RPSA2: variants seen among roughly 807,000 people sequenced by gnomAD.
The protein encoded by RPSA2 is ribosomal protein SA 2.
chr19:23,824,071 C>G, the RPSA2 span, among the ~76,000 whole-genome samples: 6 of 152,112 alleles, frequency 3.9e-5, no homozygotes, highest in Admixed American at 3.3e-4. Context: ...GAGCCCTGGA[C>G]AAGTACAGGG....
the RPSA2 span, among the ~76,000 whole-genome samples, chr19:23,855,212 A>G: frequency 6.6e-6 from 1 of 152,220 alleles, no homozygotes; most frequent in Non-Finnish European, 1.5e-5. Context: ...TTGAGTAATT[A>G]GAATGCCATC....
the RPSA2 span, among the ~76,000 whole-genome samples, chr19:23,865,042 C>G: frequency 6.6e-6 from 1 of 152,086 alleles, no homozygotes; most frequent in Non-Finnish European, 1.5e-5. Context: ...GTTCAGTCCA[C>G]CAGGGTCAGT....
the RPSA2 span, among the ~76,000 whole-genome samples, chr19:23,862,751 A>AAAACCTTTTTT: frequency 8.1e-6 from 1 of 123,490 alleles, no homozygotes; most frequent in Non-Finnish European, 1.7e-5. Context: ...TAAAACTTAA[A>AAAACCTTTTTT]GTATAAGAAT....
At chr19:23,802,781 C>T in the RPSA2 span, among the ~76,000 whole-genome samples, 1 of 152,158 alleles carries the variant, frequency 6.6e-6, no homozygotes, top group Admixed American at 6.5e-5. Context: ...TTAGTCTTGA[C>T]TATCAACTGG....
At chr19:23,845,075 T>A in the RPSA2 span, among the ~76,000 whole-genome samples, 1 of 32,306 alleles carries the variant, frequency 3.1e-5, no homozygotes, top group Non-Finnish European at 6.4e-5. Context: ...TCATTGCTAG[T>A]GATTTTTTGT....
the RPSA2 span, among the ~76,000 whole-genome samples, chr19:23,829,745 C>T: frequency 6.6e-6 from 1 of 152,258 alleles, no homozygotes; most frequent in Middle Eastern, 3.4e-3. Flanking sequence ...TCAAATTTGT[C>T]ATTGATGTTG....
At chr19:23,810,250 C>T in the RPSA2 span, among the ~76,000 whole-genome samples, 2 of 151,808 alleles carry the variant, frequency 1.3e-5, no homozygotes, top group Non-Finnish European at 2.9e-5. Flanking sequence ...AAAAATTAGC[C>T]GGGCGTGGTG....
chr19:23,792,494 A>T, the RPSA2 span, among the ~76,000 whole-genome samples: 1 of 152,104 alleles, frequency 6.6e-6, no homozygotes, highest in Non-Finnish European at 1.5e-5. Context: ...CAGTTTCTAG[A>T]CTTTTAAAAA....
At chr19:23,810,214 A>T in the RPSA2 span, among the ~76,000 whole-genome samples, 3 of 152,102 alleles carry the variant, frequency 2.0e-5, no homozygotes, top group East Asian at 5.8e-4. Flanking sequence ...TAACTCGGTG[A>T]AACCCCGTCT....
the RPSA2 span, among the ~76,000 whole-genome samples, chr19:23,810,058 C>T: frequency 1.1e-4 from 17 of 152,176 alleles, no homozygotes; most frequent in Admixed American, 4.6e-4. Context: ...CTTAAGGCTG[C>T]TGGGTTTGCA....
chr19:23,857,439 A>G, the RPSA2 span, among the ~76,000 whole-genome samples: 1 of 148,134 alleles, frequency 6.8e-6, no homozygotes, highest in African/African-American at 2.5e-5. Context: ...TTCCCGCAAC[A>G]TCTTTGAGCT....
At chr19:23,814,527 T>C in the RPSA2 span, among the ~76,000 whole-genome samples, 1 of 152,194 alleles carries the variant, frequency 6.6e-6, no homozygotes, top group Non-Finnish European at 1.5e-5. Flanking sequence ...GAAATTATAA[T>C]GCACCTTTGT....
chr19:23,865,164 G>C, the RPSA2 span, among the ~76,000 whole-genome samples: 1 of 152,202 alleles, frequency 6.6e-6, no homozygotes, highest in Non-Finnish European at 1.5e-5. Flanking sequence ...AAATATGCTG[G>C]CAGTGGATAT....
the RPSA2 span, among the ~76,000 whole-genome samples, chr19:23,783,049 C>G: frequency 6.6e-6 from 1 of 151,124 alleles, no homozygotes; most frequent in Non-Finnish European, 1.5e-5. Context: ...TGGTGTTACT[C>G]TCCTCTCCTG....
chr19:23,800,382 AT>A, the RPSA2 span, among the ~76,000 whole-genome samples: 17 of 152,150 alleles, frequency 1.1e-4, no homozygotes, highest in Non-Finnish European at 4.4e-5. Flanking sequence ...GCTGAAGAGA[AT>A]TTTTTTAAAA....
chr19:23,832,450 A>T, the RPSA2 span: 3 of 488,632 alleles, frequency 6.1e-6, no homozygotes, highest in Non-Finnish European at 1.2e-5. Context: ...ACATAAGAGG[A>T]TACACACTGG....
the RPSA2 span, among the ~76,000 whole-genome samples, chr19:23,842,935 T>G: frequency 6.6e-6 from 1 of 152,190 alleles, no homozygotes; most frequent in African/African-American, 2.4e-5. Context: ...TTAAATATTA[T>G]TGCCCAAATA....
chr19:23,805,473 T>G, the RPSA2 span, among the ~76,000 whole-genome samples: 1 of 152,124 alleles, frequency 6.6e-6, no homozygotes, highest in Admixed American at 6.6e-5. Context: ...GCAGAGAAAC[T>G]TATAGTTCCT....
At chr19:23,854,549 C>A in the RPSA2 span, among the ~76,000 whole-genome samples, 1,801 of 152,282 alleles carry the variant, frequency 0.012, 39 homozygotes, top group African/African-American at 0.04. Context: ...CTTTCTGTTT[C>A]CCTGGTTCTG....
Sources: gnomAD v4.1 joint callset for allele counts (sites outside exome capture counted in the v4.1 genomes callset) on GRCh38, gnomAD v4.1.1 for gene constraint, MANE v1.5 for transcripts, NCBI Gene and HGNC (gene_info 2026-07-23, HGNC 2026-07-21) for gene names.